MFN1: variants seen among roughly 807,000 people sequenced by gnomAD.
MFN1 encodes mitofusin 1.
In MFN1, 65 loss-of-function variants were observed where a neutral mutation model predicts 92.4. The ratio of observed to expected loss-of-function variants is 0.70; its 90% CI spans 0.58 to 0.86. The LOEUF is 0.86. Among genes scored for constraint, MFN1 ranks in the 40% least tolerant of loss-of-function variants. The pLI, the probability that MFN1 is intolerant of heterozygous loss-of-function variation, is 0.00. For synonymous variants in MFN1, 297 were observed against 300.9 expected, an observed-to-expected ratio of 0.99 and a Z score of 0.13; for missense variants, 781 against 868.0, an observed-to-expected ratio of 0.90 and a Z score of 1.26.
chr3:179,369,738 A>T (rs1175552725), intron 9 of MFN1, among the ~76,000 whole-genome samples: 1 of 152,152 alleles, frequency 6.6e-6, no homozygotes, highest in Non-Finnish European at 1.5e-5. Context: ...GAATCTATAT[A>T]CATATATATT....
chr3:179,350,601 A>G (rs1712107321), intron 2 of MFN1, among the ~76,000 whole-genome samples: 1 of 152,186 alleles, frequency 6.6e-6, no homozygotes, highest in Admixed American at 6.5e-5. Context: ...CCTCAGTAAA[A>G]ATGTTGCAAA....
intron 8 of MFN1, 95 bp from the exon 9 acceptor site, chr3:179,367,941 T>C: frequency 3.8e-6 from 2 of 524,716 alleles, no homozygotes; most frequent in Non-Finnish European, 5.4e-6. Flanking sequence ...AAAGTATATA[T>C]ATATATATAT....
intron 4 of MFN1, among the ~76,000 whole-genome samples, chr3:179,359,330 C>T (rs1240400469): frequency 6.6e-6 from 1 of 151,438 alleles, no homozygotes; most frequent in African/African-American, 2.4e-5. Context: ...CCATCTTGGC[C>T]AGGCTGGTCT....
At chr3:179,376,264 C>T (rs1304657896) in intron 10 of MFN1, among the ~76,000 whole-genome samples, 1 of 152,172 alleles carries the variant, frequency 6.6e-6, no homozygotes, top group Non-Finnish European at 1.5e-5. Flanking sequence ...GTACAGCCTC[C>T]GTGTGGCCTC....
intron 9 of MFN1, among the ~76,000 whole-genome samples, chr3:179,374,319 TATA>T (rs1713139351): frequency 1.7e-5 from 1 of 59,342 alleles, no homozygotes; most frequent in African/African-American, 1.2e-4. Flanking sequence ...ATATAACATA[TATA>T]ACATATATAT....
chr3:179,367,936 A>ATATG (rs1712866589), intron 8 of MFN1, 100 bp from the exon 9 acceptor site: 1 of 352,360 alleles, frequency 2.8e-6, no homozygotes, highest in Non-Finnish European at 4.3e-6. Flanking sequence ...GGGAAAAAGT[A>ATATG]TATATATATA....
At chr3:179,383,009 T>G (rs1214598443) in intron 14 of MFN1, among the ~76,000 whole-genome samples, 1 of 152,202 alleles carries the variant, frequency 6.6e-6, no homozygotes, top group African/African-American at 2.4e-5. Context: ...TTTCTCCCAT[T>G]CTGTAGGTTG....
chr3:179,357,951 T>G (rs1712407595), intron 3 of MFN1, among the ~76,000 whole-genome samples: 1 of 152,054 alleles, frequency 6.6e-6, no homozygotes. Context: ...CTGGAATGAT[T>G]CAAAGACTAG....
intron 14 of MFN1, among the ~76,000 whole-genome samples, chr3:179,383,503 G>T (rs113460794): frequency 3.3e-5 from 5 of 152,034 alleles, no homozygotes; most frequent in African/African-American, 1.2e-4. Context: ...GTCAGGTAGC[G>T]TGATGCCTCC....
chr3:179,358,016 G>C (rs1712409765), intron 3 of MFN1, among the ~76,000 whole-genome samples: 1 of 152,128 alleles, frequency 6.6e-6, no homozygotes. Context: ...CTTCCTTGCA[G>C]CACAGCAGAC....
intron 3 of MFN1, among the ~76,000 whole-genome samples, chr3:179,353,653 T>C (rs543326662): frequency 3.9e-5 from 6 of 152,284 alleles, no homozygotes; most frequent in African/African-American, 1.4e-4. Flanking sequence ...CGTACATTGG[T>C]GTAACAGTCC....
intron 5 of MFN1, among the ~76,000 whole-genome samples, chr3:179,363,661 T>TC (rs1560192868): frequency 6.6e-6 from 1 of 151,964 alleles, no homozygotes; most frequent in African/African-American, 2.4e-5. Flanking sequence ...CTAGCTAATT[T>TC]TTTTTTTGTG....
At chr3:179,387,590 T>C (rs1204937992) in intron 16 of MFN1, among the ~76,000 whole-genome samples, 2 of 84,706 alleles carry the variant, frequency 2.4e-5, no homozygotes, top group African/African-American at 7.2e-5. Flanking sequence ...GTTTCTTTTT[T>C]TTTTTTTTTT....
At chr3:179,367,395 T>C (rs765150341) in intron 7 of MFN1, 44 bp from the exon 8 acceptor site, 1 of 1,549,888 alleles carries the variant, frequency 6.5e-7, no homozygotes, top group African/African-American at 1.4e-5. Flanking sequence ...GTTATTATAT[T>C]TGTTTAAATT....
In MFN1 at chr3:179,348,813, G is replaced by C. The variant is rs769269783; in HGVS notation, c.-7-32G>C. The C allele has an allele frequency of 3.0e-5, 48 of 1,601,324 alleles. No homozygotes were observed. In the South Asian group the frequency reaches 5.0e-4, roughly 17 times the overall value. On this transcript the variant is annotated intron_variant, in intron 1 of 17. Transcript: ENST00000471841. ...GTTTGCATGTCTATCATCCACTTTAGTTGGTGCTTTTCTAACTTTATCTCC... is the reference window on the plus strand; with the variant it reads ...GTTTGCATGTCTATCATCCACTTTACTTGGTGCTTTTCTAACTTTATCTCC...
chr3:179,358,791 C>T, intron 3 of MFN1, 49 bp from the exon 4 acceptor site: 1 of 1,552,858 alleles, frequency 6.4e-7, no homozygotes, highest in Non-Finnish European at 8.7e-7. Context: ...GAAAGAACTA[C>T]TTTTTTTACT....
chr3:179,386,771 T>C lies in MFN1; in HGVS notation c.2012+142T>C, dbSNP rs1713702638. 1.9e-5 allele frequency: 14 copies of C among 746,690 alleles called. No individual in the cohort carries two copies. In the South Asian group the frequency reaches 2.3e-4, roughly 12 times the overall value. 46.3% of individuals were successfully genotyped at this position (746,690 alleles called of 1,614,324 possible). ...CGTGATGGCCATAAATGAGAAAAAA[T>C]AGAACAATACTAAACCTCACTGCTG... On this transcript the variant is annotated intron_variant, in intron 16 of 17. Coordinates refer to ENST00000471841, the MANE Select transcript of MFN1 (RefSeq NM_033540.3).
At chr3:179,361,538 C>T (rs1396734642) in intron 4 of MFN1, among the ~76,000 whole-genome samples, 2 of 143,346 alleles carry the variant, frequency 1.4e-5, no homozygotes, top group African/African-American at 2.5e-5. Flanking sequence ...TTATCTCTCA[C>T]TTTTTTTTTT....
Position 179,367,574 on chromosome 3 carries a change from CAG to C in MFN1, c.890_891del (p.Gln297ArgfsTer11). The C allele has an allele frequency of 6.2e-7, 1 of 1,610,198 alleles. No individual in the cohort carries two copies. The highest frequency in any genetic ancestry group is 8.5e-7 in the Non-Finnish European group (1 of 1,178,880). On this transcript the variant is annotated frameshift_variant, in exon 8 of 18. Coordinates refer to ENST00000471841, the MANE Select transcript of MFN1 (RefSeq NM_033540.3). LOFTEE classifies it high-confidence loss of function. ...TCTTAGTGCTAGAAAGCAAAAAGCA[CAG>C]GGGATGCCAGAAAGTGGTATGCATT... ...EVLSARKQKA[Q>X]GMPESGVALA...
Sources: allele counts gnomAD v4.1 joint callset (sites outside exome capture counted in the v4.1 genomes callset), GRCh38; gene constraint gnomAD v4.1.1; transcripts MANE v1.5; gene names NCBI Gene and HGNC (gene_info 2026-07-23, HGNC 2026-07-21).